The following RFTN2 variants were observed in gnomAD, a reference collection of about 807,000 sequenced individuals.
The protein encoded by RFTN2 is raftlin-2.
Under a neutral mutation model 52.7 loss-of-function variants are expected in RFTN2, and 34 were observed. The ratio of observed to expected loss-of-function variants is 0.64; its 90% CI spans 0.49 to 0.86. The LOEUF (loss-of-function observed/expected upper bound fraction) is 0.86, where lower values mean the gene tolerates loss of function less well. Ranked by LOEUF, RFTN2 falls within the 40% of genes least tolerant of loss-of-function variation. The probability of loss-of-function intolerance (pLI) is 0.00; values close to 1 mark genes in which losing one functional copy is unlikely to be tolerated. For missense variants in RFTN2, 536 were observed against 600.1 expected (o/e 0.89, Z 1.12); for synonymous variants, 203 against 217.7 (o/e 0.93, Z 0.59).
chr2:197,606,212 CT>C (rs1479041136), intron 7 of RFTN2, among the ~76,000 whole-genome samples: 1 of 152,154 alleles, frequency 6.6e-6, no homozygotes, highest in East Asian at 1.9e-4. Context: ...TGCTCTAGAC[CT>C]TCATGGCAGG....
At chr2:197,585,558 C>T (rs946080832) in intron 8 of RFTN2, among the ~76,000 whole-genome samples, 7 of 152,136 alleles carry the variant, frequency 4.6e-5, no homozygotes, top group Non-Finnish European at 1.5e-5. Context: ...CATTCTTATG[C>T]CACCCTCTAC....
intron 1 of RFTN2, among the ~76,000 whole-genome samples, chr2:197,673,961 T>TA (rs887145450): frequency 2.0e-5 from 3 of 151,202 alleles, no homozygotes; most frequent in African/African-American, 7.3e-5. Flanking sequence ...AAACGAGTCC[T>TA]AAAAAAAAAT....
chr2:197,604,126 G>A (rs573621979), intron 7 of RFTN2, among the ~76,000 whole-genome samples: 2 of 152,286 alleles, frequency 1.3e-5, no homozygotes, highest in African/African-American at 4.8e-5. Flanking sequence ...AAATTTAAAA[G>A]TATGATAATA....
At chr2:197,657,017 T>TA (rs2088903584) in intron 1 of RFTN2, among the ~76,000 whole-genome samples, 7 of 123,036 alleles carry the variant, frequency 5.7e-5, no homozygotes, top group Admixed American at 2.4e-4. Flanking sequence ...CCTTCTCAGT[T>TA]AAAAAAATAA....
intron 7 of RFTN2, among the ~76,000 whole-genome samples, chr2:197,613,167 C>T (rs2088091209): frequency 6.6e-6 from 1 of 152,158 alleles, no homozygotes; most frequent in Non-Finnish European, 1.5e-5. Context: ...TGATTTAGGA[C>T]AGGCCAAGCT....
At chr2:197,636,789 G>A (rs1448546927) in intron 3 of RFTN2, among the ~76,000 whole-genome samples, 7 of 148,956 alleles carry the variant, frequency 4.7e-5, no homozygotes, top group South Asian at 2.1e-4. Flanking sequence ...GAATAGGAGC[G>A]GTGAGAGAGG....
At chr2:197,634,533 A>G (rs2088527322) in intron 3 of RFTN2, among the ~76,000 whole-genome samples, 1 of 152,080 alleles carries the variant, frequency 6.6e-6, no homozygotes, top group Admixed American at 6.6e-5. Flanking sequence ...CTACTCTTAC[A>G]AAGCTTTCTG....
chr2:197,594,597 G>T (rs1274931572), intron 8 of RFTN2, among the ~76,000 whole-genome samples: 1 of 152,216 alleles, frequency 6.6e-6, no homozygotes, highest in Non-Finnish European at 1.5e-5. Flanking sequence ...CTCCCAAAGT[G>T]TTGGGATTAC....
chr2:197,628,172 A>G (rs552293306), intron 5 of RFTN2, among the ~76,000 whole-genome samples: 88 of 141,814 alleles, frequency 6.2e-4, no homozygotes, highest in African/African-American at 2.3e-3. Flanking sequence ...TATTGGTCAC[A>G]ATTTCCCCTT....
chr2:197,615,422 C>G (rs1418240927), intron 7 of RFTN2, among the ~76,000 whole-genome samples: 1 of 152,182 alleles, frequency 6.6e-6, no homozygotes, highest in Non-Finnish European at 1.5e-5. Context: ...AAGTAAGATT[C>G]AATTTTTCCT....
At chr2:197,640,409 C>G (rs1043015719) in intron 3 of RFTN2, among the ~76,000 whole-genome samples, 4 of 149,642 alleles carry the variant, frequency 2.7e-5, no homozygotes, top group African/African-American at 9.8e-5. Flanking sequence ...TAGGACCCTC[C>G]GAGCCAGGTG....
intron 7 of RFTN2, among the ~76,000 whole-genome samples, chr2:197,614,362 T>A (rs978926434): frequency 2.0e-5 from 3 of 152,178 alleles, no homozygotes; most frequent in Admixed American, 1.3e-4. Context: ...GGAGATCGGC[T>A]GCTGGACGGT....
chr2:197,660,680 C>T lies in RFTN2; in HGVS notation c.140-14014G>A, dbSNP rs562827265. On this transcript the variant is annotated intron_variant, in intron 1 of 8. Coordinates refer to ENST00000295049, the MANE Select transcript of RFTN2 (RefSeq NM_144629.3). The stretch of plus-strand genomic sequence containing the variant: ...AAGTGATTCTCGTGTCTCAGCCACC[C>T]GAGTAGCTGGGATTACAGGTGTGCG... Among the ~76,000 whole-genome samples, 63 of 151,790 alleles carry T rather than the reference C, an allele frequency of 4.2e-4. No homozygotes were observed. In the South Asian group the frequency reaches 5.8e-3, roughly 14 times the overall value.
At chr2:197,611,694 T>C (rs1224457397) in intron 7 of RFTN2, among the ~76,000 whole-genome samples, 1 of 152,248 alleles carries the variant, frequency 6.6e-6, no homozygotes, top group Non-Finnish European at 1.5e-5. Flanking sequence ...GTTCTTTTAA[T>C]TGTGATGTTA....
rs1160901233 is a variant in RFTN2 at position 197,572,075 on chromosome 2, A to G, written c.1439T>C (p.Val480Ala). Reference protein sequence around the residue: ...SFSGFSSSDNVLRELDDGQFD... With the variant: ...SFSGFSSSDNALRELDDGQFD... Reference sequence around the variant, plus strand: ...CTGTCCGTCGTCTAATTCCCGGAGGACGTTGTCACTGCTGCTGAACCCAGA... The same window carrying G: ...CTGTCCGTCGTCTAATTCCCGGAGGGCGTTGTCACTGCTGCTGAACCCAGA... The change falls in exon 9 of 9, where the codon GTC becomes GCC. Residue 480 changes from valine (V) to alanine (A), a missense_variant. By Grantham distance (64) the Val-to-Ala change is moderately conservative (BLOSUM62 0). Coordinates refer to ENST00000295049, the MANE Select transcript of RFTN2 (RefSeq NM_144629.3). The G allele has an allele frequency of 6.2e-7, 1 of 1,614,216 alleles. No individual in the cohort carries two copies. The highest frequency in any genetic ancestry group is 8.5e-7 in the Non-Finnish European group (1 of 1,180,044).
chr2:197,652,736 C>T (rs1431393627), intron 1 of RFTN2, among the ~76,000 whole-genome samples: 1 of 152,018 alleles, frequency 6.6e-6, no homozygotes, highest in Non-Finnish European at 1.5e-5. Flanking sequence ...TATATATTAG[C>T]TAAGAGAATG....
intron 8 of RFTN2, among the ~76,000 whole-genome samples, chr2:197,590,251 T>A (rs942269461): frequency 6.6e-6 from 1 of 152,146 alleles, no homozygotes. Context: ...TTTTCTCCTA[T>A]GTTTTTTCCT....
intron 8 of RFTN2, among the ~76,000 whole-genome samples, chr2:197,574,728 T>C (rs1002618057): frequency 6.6e-6 from 1 of 151,822 alleles, no homozygotes; most frequent in Non-Finnish European, 1.5e-5. Flanking sequence ...ATTATCAGAG[T>C]GTGGTGGCAC....
At chr2:197,651,112 G>T (rs1409969188) in intron 1 of RFTN2, among the ~76,000 whole-genome samples, 1 of 152,120 alleles carries the variant, frequency 6.6e-6, no homozygotes, top group Admixed American at 6.6e-5. Context: ...TAAAAATTGG[G>T]TTGTTTCTTT....
Sources: allele counts gnomAD v4.1 joint callset (sites outside exome capture counted in the v4.1 genomes callset), GRCh38; gene constraint gnomAD v4.1.1; transcripts MANE v1.5; gene names NCBI Gene and HGNC (gene_info 2026-07-23, HGNC 2026-07-21).